Variants in PSTPIP2 observed in about 807,000 individuals in gnomAD.
PSTPIP2 encodes the protein proline-serine-threonine phosphatase-interacting protein 2.
In PSTPIP2, 33 loss-of-function variants were observed where a neutral mutation model predicts 63.3. The ratio of observed to expected loss-of-function variants is 0.52; its 90% confidence interval spans 0.40 to 0.70. The LOEUF (loss-of-function observed/expected upper bound fraction) is 0.70, where lower values mean the gene tolerates loss of function less well. Ranked by LOEUF, PSTPIP2 falls within the 30% of genes least tolerant of loss-of-function variation. The pLI is 0.00. For synonymous variants in PSTPIP2, 125 were observed against 132.7 expected (o/e 0.94, Z 0.40); for missense variants, 312 against 400.7 (o/e 0.78, Z 1.89).
At chr18:46,054,917 A>G (rs1908706517) in intron 1 of PSTPIP2, among the ~76,000 whole-genome samples, 1 of 152,128 alleles carries the variant, frequency 6.6e-6, no homozygotes, top group Admixed American at 6.6e-5. Context: ...TCAGCCTCCC[A>G]AAAACCTACT....
intron 1 of PSTPIP2, among the ~76,000 whole-genome samples, chr18:46,053,681 T>C (rs1332463143): frequency 2.6e-5 from 4 of 152,238 alleles, no homozygotes; most frequent in South Asian, 2.1e-4. Context: ...CAAATGTTTA[T>C]AGAAGCTGTA....
At chr18:45,988,785 A>G (rs1285478205) in intron 13 of PSTPIP2, 26 bp from the exon 14 acceptor site, 1 of 1,523,380 alleles carries the variant, frequency 6.6e-7, no homozygotes, top group Admixed American at 1.7e-5. Flanking sequence ...CACAGAAAAC[A>G]ACAGTAACAT....
intron 1 of PSTPIP2, among the ~76,000 whole-genome samples, chr18:46,049,424 C>G (rs923667619): frequency 2.0e-5 from 3 of 151,078 alleles, no homozygotes; most frequent in Non-Finnish European, 4.4e-5. Context: ...AAGTTTGTTA[C>G]CTATGTAACA....
intron 3 of PSTPIP2, among the ~76,000 whole-genome samples, chr18:46,021,409 T>TTA (rs964214826): frequency 1.1e-4 from 13 of 114,592 alleles, no homozygotes; most frequent in Non-Finnish European, 1.6e-4. Flanking sequence ...TTAAAACAAT[T>TTA]TATATATATA....
At chr18:46,070,400 G>A (rs922640849) in intron 1 of PSTPIP2, among the ~76,000 whole-genome samples, 2 of 152,216 alleles carry the variant, frequency 1.3e-5, no homozygotes, top group South Asian at 4.1e-4. Context: ...CCCTGGCATG[G>A]GGCTGAGGGG....
intron 13 of PSTPIP2, 54 bp from the exon 14 acceptor site, chr18:45,988,813 A>T: frequency 7.1e-7 from 1 of 1,417,808 alleles, no homozygotes; most frequent in Non-Finnish European, 1.0e-6. Flanking sequence ...TCATAATAAG[A>T]TCTCACCCTT....
At chr18:46,022,590 G>T (rs955896909) in intron 3 of PSTPIP2, among the ~76,000 whole-genome samples, 1 of 152,032 alleles carries the variant, frequency 6.6e-6, no homozygotes, top group African/African-American at 2.4e-5. Flanking sequence ...GAAAACATGA[G>T]ACCCCTTGTT....
intron 8 of PSTPIP2, 117 bp downstream of exon 8, chr18:45,998,677 T>G: frequency 9.8e-7 from 1 of 1,024,810 alleles, no homozygotes; most frequent in Non-Finnish European, 1.4e-6. Context: ...CTAATCCTGC[T>G]GAATATCCAT....
chr18:45,990,821 C>T, intron 12 of PSTPIP2, 65 bp from the exon 13 acceptor site: 1 of 1,364,686 alleles, frequency 7.3e-7, no homozygotes, highest in Non-Finnish European at 1.0e-6. Flanking sequence ...CTTTTTACTT[C>T]TTGCTACAAG....
intron 2 of PSTPIP2, among the ~76,000 whole-genome samples, chr18:46,035,538 T>C (rs145221290): frequency 0.011 from 1,600 of 151,176 alleles, 12 homozygotes; most frequent in Middle Eastern, 0.052. Context: ...ACTTTCTAGG[T>C]GGGGAAATAC....
At chr18:46,013,105 A>G (rs1196177827) in intron 4 of PSTPIP2, among the ~76,000 whole-genome samples, 2 of 151,528 alleles carry the variant, frequency 1.3e-5, no homozygotes, top group Non-Finnish European at 2.9e-5. Context: ...ATAAGAAAAT[A>G]AAACTTATTT....
chr18:46,047,451 C>T (rs1011707378), intron 1 of PSTPIP2, among the ~76,000 whole-genome samples: 15 of 152,006 alleles, frequency 9.9e-5, no homozygotes, highest in Non-Finnish European at 1.8e-4. Flanking sequence ...CACGCGCCTG[C>T]AGTACTCAGG....
At chr18:46,045,751 C>G (rs28457629) in intron 1 of PSTPIP2, among the ~76,000 whole-genome samples, 2,231 of 152,150 alleles carry the variant, frequency 0.015, 38 homozygotes, top group Admixed American at 0.037. Context: ...TAAAGAAAAA[C>G]AAAGTTGGAG....
At chr18:46,011,323 C>T (rs2051794337) in intron 4 of PSTPIP2, 36 bp from the exon 5 acceptor site, 2 of 1,452,018 alleles carry the variant, frequency 1.4e-6, no homozygotes, top group South Asian at 1.2e-5. Context: ...TCAAGGTCTA[C>T]ATATGTCTGA....
intron 2 of PSTPIP2, among the ~76,000 whole-genome samples, chr18:46,033,329 CA>C (rs1259983485): frequency 6.6e-6 from 1 of 152,180 alleles, no homozygotes; most frequent in Non-Finnish European, 1.5e-5. Context: ...AGGGTCATTG[CA>C]GACGTAATTG....
intron 1 of PSTPIP2, among the ~76,000 whole-genome samples, chr18:46,071,943 G>C (rs1909409271): frequency 6.6e-6 from 1 of 152,150 alleles, no homozygotes; most frequent in African/African-American, 2.4e-5. Flanking sequence ...GCGGGGGACA[G>C]AGAGGGAACA....
chr18:46,059,143 T>C (rs1182345135), intron 1 of PSTPIP2, among the ~76,000 whole-genome samples: 1 of 152,062 alleles, frequency 6.6e-6, no homozygotes, highest in Non-Finnish European at 1.5e-5. Flanking sequence ...TTCAAGTGAT[T>C]CTTCTGCCTC....
At chr18:46,003,222 G>C (rs2051687414) in intron 6 of PSTPIP2, among the ~76,000 whole-genome samples, 1 of 152,200 alleles carries the variant, frequency 6.6e-6, no homozygotes, top group South Asian at 2.1e-4. Flanking sequence ...AGGAGGGAGA[G>C]GGTGTACATC....
At chr18:46,057,610 G>A (rs1908809984) in intron 1 of PSTPIP2, among the ~76,000 whole-genome samples, 1 of 152,152 alleles carries the variant, frequency 6.6e-6, no homozygotes. Flanking sequence ...GATTACAGGC[G>A]TGCCCCACTG....
Sources: allele counts gnomAD v4.1 joint callset (sites outside exome capture counted in the v4.1 genomes callset), GRCh38; gene constraint gnomAD v4.1.1; transcripts MANE v1.5; gene names NCBI Gene and HGNC (gene_info 2026-07-23, HGNC 2026-07-21).